GRM7: variants seen among roughly 807,000 people sequenced by gnomAD.
The protein encoded by GRM7 is glutamate metabotropic receptor 7.
In GRM7, 35 loss-of-function variants were observed where a neutral mutation model predicts 84.5. That is an observed-to-expected ratio of 0.41 (90% CI 0.32 to 0.55). The LOEUF (loss-of-function observed/expected upper bound fraction) is 0.55, where lower values mean the gene tolerates loss of function less well. Ranked by LOEUF, GRM7 falls within the 20% of genes least tolerant of loss-of-function variation. The pLI is 0.19. For missense variants in GRM7, 1,003 were observed against 1,194.6 expected, an observed-to-expected ratio of 0.84 and a Z score of 2.36; for synonymous variants, 487 against 455.1, an observed-to-expected ratio of 1.07 and a Z score of -0.89.
At chr3:7,065,136 G>C (rs933451689) in intron 1 of GRM7, among the ~76,000 whole-genome samples, 1 of 151,802 alleles carries the variant, frequency 6.6e-6, no homozygotes, top group Non-Finnish European at 1.5e-5. Flanking sequence ...CAACTCTGTG[G>C]GTTGTCTATT....
chr3:7,685,555 A>G (rs1488344373), intron 9 of GRM7, among the ~76,000 whole-genome samples: 1 of 152,124 alleles, frequency 6.6e-6, no homozygotes, highest in Non-Finnish European at 1.5e-5. Flanking sequence ...GACTACCTAA[A>G]AGACTGGTTT....
At chr3:7,236,052 G>A (rs751407702) in intron 2 of GRM7, among the ~76,000 whole-genome samples, 16 of 152,136 alleles carry the variant, frequency 1.1e-4, no homozygotes, top group Non-Finnish European at 1.8e-4. Flanking sequence ...CCAAGATGGT[G>A]CCTTCTTGCT....
At chr3:7,201,519 G>A (rs988511006) in intron 2 of GRM7, among the ~76,000 whole-genome samples, 3 of 152,134 alleles carry the variant, frequency 2.0e-5, no homozygotes, top group Non-Finnish European at 4.4e-5. Flanking sequence ...GAGGCCACAA[G>A]TTGAAGTCTG....
At chr3:7,027,895 T>C (rs774143325) in intron 1 of GRM7, among the ~76,000 whole-genome samples, 20 of 152,172 alleles carry the variant, frequency 1.3e-4, no homozygotes, top group Non-Finnish European at 2.8e-4. Context: ...TTCCATCATT[T>C]AGGTCTTAGG....
intron 4 of GRM7, 96 bp downstream of exon 4, chr3:7,306,748 C>A: frequency 1.9e-6 from 2 of 1,030,840 alleles, no homozygotes; most frequent in Non-Finnish European, 2.8e-6. Flanking sequence ...GCATTTTTAC[C>A]AAACTCATGT....
intron 3 of GRM7, among the ~76,000 whole-genome samples, chr3:7,302,133 C>A (rs1343394139): frequency 6.6e-6 from 1 of 151,608 alleles, no homozygotes; most frequent in Non-Finnish European, 1.5e-5. Flanking sequence ...TTTTACTTTG[C>A]CTCCAGTTTG....
Position 7,188,763 on chromosome 3 carries a change from T to C in GRM7, c.736+42095T>C, listed in dbSNP as rs1695608344. The stretch of plus-strand genomic sequence containing the variant: ...TGGACAGCTTTCTCCCATGTGGCAA[T>C]TTTGAGATTCAGCCTCCTTTCCTCC... On this transcript the variant is annotated intron_variant, in intron 2 of 9. Transcript: ENST00000357716. The surrounding 1 kb of genome is among the most constrained non-coding windows in gnomAD (Gnocchi z 4.2). 6.6e-6 allele frequency among the ~76,000 whole-genome samples: 1 copy of C among 152,184 alleles called. No homozygotes were observed. The highest frequency in any genetic ancestry group is 6.5e-5 in the Admixed American group (1 of 15,276).
chr3:6,923,390 T>C (rs1697191999), intron 1 of GRM7, among the ~76,000 whole-genome samples: 1 of 152,160 alleles, frequency 6.6e-6, no homozygotes, highest in Non-Finnish European at 1.5e-5. Flanking sequence ...TAAAAAATAA[T>C]AGTTGATTAT....
chr3:7,527,412 T>C (rs1258057219), intron 7 of GRM7, among the ~76,000 whole-genome samples: 1 of 152,024 alleles, frequency 6.6e-6, no homozygotes, highest in African/African-American at 2.4e-5. Flanking sequence ...TTGTTGGATC[T>C]AGGAGTCTTT....
At chr3:7,440,315 A>G (rs1220002141) in intron 5 of GRM7, among the ~76,000 whole-genome samples, 3 of 152,174 alleles carry the variant, frequency 2.0e-5, no homozygotes, top group Non-Finnish European at 4.4e-5. Context: ...TTTATTTCTG[A>G]CTGTGGGCTT....
intron 1 of GRM7, among the ~76,000 whole-genome samples, chr3:6,986,632 C>T (rs6808554): frequency 0.086 from 13,117 of 152,262 alleles, 587 homozygotes; most frequent in Non-Finnish European, 0.097. Context: ...TCTCTCCCTT[C>T]TAGCTCTCTG....
intron 9 of GRM7, among the ~76,000 whole-genome samples, chr3:7,685,955 T>C (rs1700567045): frequency 6.6e-6 from 1 of 152,208 alleles, no homozygotes; most frequent in Admixed American, 6.5e-5. Flanking sequence ...TTTGGATCCC[T>C]AACATTCTCA....
At chr3:7,392,442 T>G (rs1398604977) in intron 4 of GRM7, among the ~76,000 whole-genome samples, 1 of 152,180 alleles carries the variant, frequency 6.6e-6, no homozygotes, top group African/African-American at 2.4e-5. Context: ...ATGTCTGATC[T>G]AAGACTAAAA....
chr3:6,945,072 T>A (rs887476334), intron 1 of GRM7, among the ~76,000 whole-genome samples: 2 of 152,106 alleles, frequency 1.3e-5, no homozygotes, highest in African/African-American at 4.8e-5. Flanking sequence ...TTTATTTTTT[T>A]AAATTATACT....
intron 2 of GRM7, among the ~76,000 whole-genome samples, chr3:7,205,072 T>C (rs1206639162): frequency 1.3e-5 from 2 of 152,188 alleles, no homozygotes; most frequent in Non-Finnish European, 2.9e-5. Context: ...TACATTGGGA[T>C]TGAAGCATGA....
At chr3:7,421,501 A>G (rs1287995797) in intron 5 of GRM7, among the ~76,000 whole-genome samples, 1 of 152,174 alleles carries the variant, frequency 6.6e-6, no homozygotes, top group Non-Finnish European at 1.5e-5. Flanking sequence ...CTTATCCCAC[A>G]TGGTCCACAG....
intron 9 of GRM7, among the ~76,000 whole-genome samples, chr3:7,719,705 G>C (rs984369081): frequency 2.0e-5 from 3 of 151,540 alleles, no homozygotes; most frequent in Non-Finnish European, 4.4e-5. Flanking sequence ...CCAGCTACTC[G>C]GGAGGCTGAG....
At chr3:7,142,229 T>G (rs1480310710) in intron 1 of GRM7, among the ~76,000 whole-genome samples, 1 of 152,084 alleles carries the variant, frequency 6.6e-6, no homozygotes. Context: ...ACCCATATTT[T>G]AATAATAAAT....
intron 7 of GRM7, among the ~76,000 whole-genome samples, chr3:7,487,385 G>A (rs1348593924): frequency 2.0e-5 from 3 of 152,300 alleles, no homozygotes; most frequent in South Asian, 2.1e-4. Flanking sequence ...CTAGATATTA[G>A]CATGGATAAA....
Sources: gnomAD v4.1 joint callset for allele counts (sites outside exome capture counted in the v4.1 genomes callset) on GRCh38, gnomAD v4.1.1 for gene constraint, Gnocchi (gnomAD v3.1) non-coding constraint, MANE v1.5 for transcripts, NCBI Gene and HGNC (gene_info 2026-07-23, HGNC 2026-07-21) for gene names.